Variants in GRIK4 observed in about 807,000 individuals in gnomAD.
GRIK4 encodes glutamate receptor ionotropic, kainate 4.
In GRIK4, 40 loss-of-function variants were observed where a neutral mutation model predicts 104.9. The observed-to-expected ratio is 0.38, with a 90% CI of 0.30 to 0.50. GRIK4 has a LOEUF of 0.50. Ranked by LOEUF, GRIK4 falls within the 20% of genes least tolerant of loss-of-function variation. The pLI is 0.93. For missense variants in GRIK4, 1,047 were observed against 1,308.1 expected (o/e 0.80, Z 3.08); for synonymous variants, 485 against 524.9 (o/e 0.92, Z 1.04).
chr11:120,879,382 G>T (rs1395783844), intron 11 of GRIK4, among the ~76,000 whole-genome samples: 1 of 152,164 alleles, frequency 6.6e-6, no homozygotes, highest in African/African-American at 2.4e-5. Context: ...CTCTCTTCCT[G>T]TCTGGATGAG....
chr11:120,943,713 A>G (rs900436145), intron 14 of GRIK4, among the ~76,000 whole-genome samples: 15 of 152,220 alleles, frequency 9.9e-5, no homozygotes, highest in Non-Finnish European at 2.1e-4. Context: ...TGTTAGTTCT[A>G]TGTTTATGAG....
intron 1 of GRIK4, among the ~76,000 whole-genome samples, chr11:120,570,379 T>C (rs1591702413): frequency 1.3e-5 from 2 of 152,232 alleles, no homozygotes; most frequent in Non-Finnish European, 2.9e-5. Flanking sequence ...TTCTGAGATT[T>C]CCACATCTCT....
chr11:120,660,013 TGAGCCACTGTGCCTGGCTGC>T (rs1949784264), intron 2 of GRIK4, among the ~76,000 whole-genome samples: 1 of 152,242 alleles, frequency 6.6e-6, no homozygotes. Context: ...ATTACAGGCG[TGAGCCACTGTGCCTGGCTGC>T]GAGCAGATGA....
chr11:120,865,529 G>A lies in GRIK4; in HGVS notation c.906+3409G>A, dbSNP rs149499841. Among the ~76,000 whole-genome samples the A allele has an allele frequency of 4.6e-3, 700 of 152,296 alleles. 5 individuals are homozygous for A. Among genetic ancestry groups the A allele is most frequent in the Non-Finnish European group, 7.6e-3 (519 of 68,024 alleles). ...TACCTCTCACTCTTCCCCTGGACCA[G>A]CAGGCCAGCCCAGCATATTCTTATG... is the stretch of plus-strand genomic sequence containing the variant. On this transcript the variant is annotated intron_variant, in intron 9 of 20. Transcript: ENST00000527524.
intron 1 of GRIK4, among the ~76,000 whole-genome samples, chr11:120,553,018 A>G (rs1948154724): frequency 6.6e-6 from 1 of 152,102 alleles, no homozygotes; most frequent in Non-Finnish European, 1.5e-5. Flanking sequence ...AAAAAAAAAA[A>G]AAAAAGAAGG....
intron 1 of GRIK4, among the ~76,000 whole-genome samples, chr11:120,653,013 C>T (rs933960263): frequency 4.2e-5 from 6 of 144,210 alleles, no homozygotes; most frequent in Admixed American, 2.9e-4. Context: ...GACATAATAG[C>T]AGGTGTGGCA....
rs114851875 is a variant in GRIK4 at position 120,886,856 on chromosome 11, G to A, written c.1164+11613G>A. On this transcript the variant is annotated intron_variant, in intron 11 of 20. Coordinates refer to ENST00000527524, the MANE Select transcript of GRIK4 (RefSeq NM_014619.5). ...CTGTTGATGTCCTGCCTTTCTCCTG[G>A]TTCCCCTGATGCAGAAGTAGAATCC... 8.9e-3 allele frequency among the ~76,000 whole-genome samples: 1,350 copies of A among 152,236 alleles called. 19 individuals carry two copies. The highest frequency in any genetic ancestry group is 0.03 in the African/African-American group (1,253 of 41,530).
chr11:120,650,590 C>T (rs1445976201), intron 1 of GRIK4, among the ~76,000 whole-genome samples: 1 of 152,148 alleles, frequency 6.6e-6, no homozygotes, highest in Admixed American at 6.5e-5. Flanking sequence ...TGTTCTTTTC[C>T]TTCACAGTCT....
chr11:120,551,569 C>T (rs960252116), intron 1 of GRIK4, among the ~76,000 whole-genome samples: 1 of 152,042 alleles, frequency 6.6e-6, no homozygotes, highest in East Asian at 1.9e-4. Context: ...TTGCTCGATA[C>T]CAGGAGTTCA....
chr11:120,889,636 C>CTTTTTTTTTTTT (rs1555086568), intron 11 of GRIK4, among the ~76,000 whole-genome samples: 1 of 67,016 alleles, frequency 1.5e-5, no homozygotes, highest in Non-Finnish European at 2.8e-5. Context: ...TGGAGTTTTA[C>CTTTTTTTTTTTT]TCTTGTTGGC....
At chr11:120,656,682 G>A (rs1216846161) in intron 2 of GRIK4, among the ~76,000 whole-genome samples, 2 of 152,198 alleles carry the variant, frequency 1.3e-5, no homozygotes, top group Non-Finnish European at 2.9e-5. Flanking sequence ...TCATCATGGT[G>A]AAGTCCCATC....
intron 4 of GRIK4, among the ~76,000 whole-genome samples, chr11:120,804,421 G>A (rs1396414482): frequency 6.6e-6 from 1 of 152,174 alleles, no homozygotes; most frequent in African/African-American, 2.4e-5. Flanking sequence ...AGCGATGCAG[G>A]CAGTGGCTCT....
intron 3 of GRIK4, among the ~76,000 whole-genome samples, chr11:120,785,610 G>C (rs577481750): frequency 2.0e-5 from 3 of 152,208 alleles, no homozygotes; most frequent in Non-Finnish European, 4.4e-5. Context: ...AAGTCCGAGA[G>C]TTAGCTCATA....
chr11:120,848,919 G>T (rs1002346019), intron 8 of GRIK4, among the ~76,000 whole-genome samples: 6 of 152,096 alleles, frequency 3.9e-5, no homozygotes, highest in Admixed American at 1.3e-4. Context: ...AATGGATATT[G>T]CCAGGAAGTC....
At chr11:120,789,715 C>G (rs933479690) in intron 3 of GRIK4, among the ~76,000 whole-genome samples, 4 of 152,146 alleles carry the variant, frequency 2.6e-5, no homozygotes, top group Non-Finnish European at 5.9e-5. Context: ...CTCCCATCTG[C>G]CTTCCCTGCC....
chr11:120,905,516 G>T lies in GRIK4; in HGVS notation c.1476+23G>T. ...AGGGTAAGGAGAGGACAAGTGATCT[G>T]GGCCTGAGGGTGGGCTGGGAGGGAT... On this transcript the variant is annotated intron_variant, in intron 13 of 20. Coordinates refer to ENST00000527524, the MANE Select transcript of GRIK4 (RefSeq NM_014619.5). The surrounding 1 kb of genome is among the most constrained non-coding windows in gnomAD (Gnocchi z 5.1). The T allele has an allele frequency of 7.2e-7, 1 of 1,379,980 alleles. No homozygotes were observed. The highest frequency in any genetic ancestry group is 1.0e-6 in the Non-Finnish European group (1 of 973,844). 85.5% of individuals were successfully genotyped at this position (1,379,980 alleles called of 1,614,324 possible).
intron 3 of GRIK4, among the ~76,000 whole-genome samples, chr11:120,795,971 T>C (rs1299807695): frequency 2.0e-5 from 3 of 152,172 alleles, no homozygotes; most frequent in Non-Finnish European, 4.4e-5. Context: ...ATAGTTGCTA[T>C]ACTGTATTTT....
At chr11:120,769,638 T>G (rs1460086360) in intron 3 of GRIK4, among the ~76,000 whole-genome samples, 2 of 152,356 alleles carry the variant, frequency 1.3e-5, no homozygotes, top group Admixed American at 1.3e-4. Flanking sequence ...AGGCTAGATT[T>G]AGCAGATCAT....
chr11:120,639,918 A>G (rs1591760901), intron 1 of GRIK4, among the ~76,000 whole-genome samples: 1 of 152,172 alleles, frequency 6.6e-6, no homozygotes, highest in Admixed American at 6.5e-5. Context: ...CTGTGGAGCC[A>G]TCTTTGACCC....
Sources: gnomAD v4.1 joint callset for allele counts (sites outside exome capture counted in the v4.1 genomes callset) on GRCh38, gnomAD v4.1.1 for gene constraint, Gnocchi (gnomAD v3.1) non-coding constraint, MANE v1.5 for transcripts, NCBI Gene and HGNC (gene_info 2026-07-23, HGNC 2026-07-21) for gene names.